LHFPL3: variants seen among roughly 807,000 people sequenced by gnomAD.
The protein encoded by LHFPL3 is LHFPL tetraspan subfamily member 3.
A neutral mutation model predicts 19.3 loss-of-function variants in LHFPL3; 5 were observed. The ratio of observed to expected loss-of-function variants is 0.26; its 90% CI spans 0.14 to 0.54. The LOEUF (loss-of-function observed/expected upper bound fraction) is 0.54. Ranked by LOEUF, LHFPL3 falls within the 20% of genes least tolerant of loss-of-function variation. LHFPL3 has a pLI of 0.94. For synonymous variants in LHFPL3, 133 were observed against 126.2 expected, an observed-to-expected ratio of 1.05 and a Z score of -0.36; for missense variants, 249 against 307.4, an observed-to-expected ratio of 0.81 and a Z score of 1.42.
At chr7:104,510,621 G>T (rs868005308) in intron 1 of LHFPL3, among the ~76,000 whole-genome samples, 2 of 152,026 alleles carry the variant, frequency 1.3e-5, no homozygotes, top group Non-Finnish European at 2.9e-5. Flanking sequence ...GTAATCTAGG[G>T]CTAGGCAAAG....
intron 2 of LHFPL3, among the ~76,000 whole-genome samples, chr7:104,790,440 A>T (rs1421730846): frequency 6.6e-6 from 1 of 151,924 alleles, no homozygotes; most frequent in Admixed American, 6.6e-5. Flanking sequence ...GGCCATACGT[A>T]TGTCTCCTTT....
intron 1 of LHFPL3, among the ~76,000 whole-genome samples, chr7:104,483,484 G>C (rs1342347260): frequency 2.0e-5 from 3 of 152,158 alleles, no homozygotes; most frequent in Non-Finnish European, 4.4e-5. Flanking sequence ...TTTGTCTCAA[G>C]AAATAAAGGT....
chr7:104,772,867 A>G (rs925698870), intron 2 of LHFPL3, among the ~76,000 whole-genome samples: 1 of 152,220 alleles, frequency 6.6e-6, no homozygotes, highest in Non-Finnish European at 1.5e-5. Flanking sequence ...GTTCTGTGCA[A>G]TTTGGCTAAC....
intron 2 of LHFPL3, chr7:104,845,497 T>C: frequency 6.6e-7 from 1 of 1,505,604 alleles, no homozygotes; most frequent in Non-Finnish European, 8.8e-7. Context: ...TTCCCGCATG[T>C]TTTCTCCGCT....
At chr7:104,574,030 C>G (rs560533311) in intron 1 of LHFPL3, among the ~76,000 whole-genome samples, 4 of 152,296 alleles carry the variant, frequency 2.6e-5, no homozygotes, top group Non-Finnish European at 5.9e-5. Context: ...GAAATATTTA[C>G]TGCTAAATCC....
chr7:104,789,240 T>G (rs1789976834), intron 2 of LHFPL3, among the ~76,000 whole-genome samples: 1 of 152,134 alleles, frequency 6.6e-6, no homozygotes, highest in Admixed American at 6.5e-5. Context: ...GTTCTCTTTC[T>G]CTCCCTCTTT....
chr7:104,703,164 A>C (rs769794812), intron 1 of LHFPL3, among the ~76,000 whole-genome samples: 4 of 152,234 alleles, frequency 2.6e-5, no homozygotes, highest in Non-Finnish European at 4.4e-5. Context: ...TTTTAAAAGC[A>C]CAACTTTCAT....
chr7:104,890,130 C>A (rs569574157), intron 2 of LHFPL3, among the ~76,000 whole-genome samples: 2 of 152,230 alleles, frequency 1.3e-5, no homozygotes, highest in South Asian at 4.1e-4. Context: ...AGACCCTCTT[C>A]CCTTCAAAAA....
chr7:104,892,984 T>C (rs1792282265), intron 2 of LHFPL3, among the ~76,000 whole-genome samples: 1 of 151,992 alleles, frequency 6.6e-6, no homozygotes, highest in Non-Finnish European at 1.5e-5. Context: ...AGCAGGAGGA[T>C]TGCTTGAGGC....
At chr7:104,753,786 T>G (rs1794223309) in intron 2 of LHFPL3, among the ~76,000 whole-genome samples, 1 of 152,130 alleles carries the variant, frequency 6.6e-6, no homozygotes, top group Non-Finnish European at 1.5e-5. Context: ...AGAGCCAGCA[T>G]GTAAAGAAAT....
chr7:104,563,454 A>G (rs1037742644), intron 1 of LHFPL3, among the ~76,000 whole-genome samples: 51 of 152,294 alleles, frequency 3.3e-4, no homozygotes, highest in African/African-American at 1.2e-3. Flanking sequence ...TCCAGGTGCC[A>G]TCCGTCACCC....
intron 1 of LHFPL3, among the ~76,000 whole-genome samples, chr7:104,363,249 T>C (rs1033754392): frequency 3.9e-5 from 6 of 152,226 alleles, no homozygotes; most frequent in African/African-American, 1.2e-4. Context: ...AAAGGCAAGA[T>C]ACAGTCAGTT....
rs575498919 is a variant in LHFPL3, at chr7:104,614,998, A to G, written c.446-121677A>G. On this transcript the variant is annotated intron_variant, in intron 1 of 2. Coordinates refer to ENST00000424859, the MANE Select transcript of LHFPL3 (RefSeq NM_199000.3). ...TCAAACTCCTGGGCTCAAGCAATCC[A>G]TATGCTCTGGTCTCCCAAAGCACTG... is the stretch of plus-strand genomic sequence containing the variant. 4.6e-5 allele frequency among the ~76,000 whole-genome samples: 7 copies of G among 152,108 alleles called. No individual in the cohort carries two copies. In the East Asian group the frequency reaches 1.4e-3, roughly 29 times the overall value.
intron 1 of LHFPL3, among the ~76,000 whole-genome samples, chr7:104,637,796 G>A (rs1021913893): frequency 1.3e-4 from 17 of 127,894 alleles, no homozygotes; most frequent in African/African-American, 4.6e-4. Context: ...CTTTAGTATA[G>A]TTTGAAGTCA....
intron 2 of LHFPL3, among the ~76,000 whole-genome samples, chr7:104,775,727 TTAG>T (rs1794626454): frequency 6.6e-6 from 1 of 152,214 alleles, no homozygotes; most frequent in African/African-American, 2.4e-5. Context: ...TTTTATTACA[TTAG>T]TCACTAACTT....
chr7:104,841,493 G>GGGT (rs1791206878), intron 2 of LHFPL3, among the ~76,000 whole-genome samples: 2 of 140,836 alleles, frequency 1.4e-5, no homozygotes, highest in Admixed American at 7.1e-5. Context: ...CATTATGTGG[G>GGGT]GTGTGTGTGT....
chr7:104,853,620 C>T (rs527938222), intron 2 of LHFPL3, among the ~76,000 whole-genome samples: 2 of 152,186 alleles, frequency 1.3e-5, no homozygotes, highest in South Asian at 4.2e-4. Context: ...TTTTTATTTA[C>T]TTAGAATGAC....
At chr7:104,751,930 T>A (rs895518142) in intron 2 of LHFPL3, among the ~76,000 whole-genome samples, 21 of 151,996 alleles carry the variant, frequency 1.4e-4, no homozygotes, top group African/African-American at 4.8e-4. Context: ...TAGGATTAAG[T>A]CTCCTAGTGG....
intron 2 of LHFPL3, among the ~76,000 whole-genome samples, chr7:104,864,727 C>G (rs968078055): frequency 2.0e-5 from 3 of 152,222 alleles, no homozygotes; most frequent in African/African-American, 7.2e-5. Flanking sequence ...CCCTGTCTGA[C>G]AGCTTTGAAG....
Sources: gnomAD v4.1 joint callset for allele counts (sites outside exome capture counted in the v4.1 genomes callset) on GRCh38, gnomAD v4.1.1 for gene constraint, MANE v1.5 for transcripts, NCBI Gene and HGNC (gene_info 2026-07-23, HGNC 2026-07-21) for gene names.